The following KNDC1 variants were observed in gnomAD, a reference collection of about 807,000 sequenced individuals.
KNDC1 encodes kinase non-catalytic C-lobe domain-containing protein 1.
A neutral mutation model predicts 172.8 loss-of-function variants in KNDC1; 106 were observed. The ratio of observed to expected loss-of-function variants is 0.61; its 90% CI spans 0.52 to 0.72. KNDC1 has a LOEUF of 0.72. Ranked by LOEUF, KNDC1 falls within the 30% of genes least tolerant of loss-of-function variation. KNDC1 has a pLI of 0.00. For missense variants in KNDC1, 2,325 were observed against 2,394.5 expected (o/e 0.97, Z 0.61); for synonymous variants, 1,083 against 1,062.2 (o/e 1.02, Z -0.38).
intron 3 of KNDC1, 86 bp downstream of exon 3, chr10:133,168,398 G>A: frequency 7.3e-7 from 1 of 1,375,528 alleles, no homozygotes; most frequent in Non-Finnish European, 1.0e-6. Context: ...CACCTGCCTT[G>A]GGGCGACCTC....
intron 25 of KNDC1, 57 bp from the exon 26 acceptor site, chr10:133,213,915 C>T: frequency 6.2e-7 from 1 of 1,601,422 alleles, no homozygotes; most frequent in Non-Finnish European, 8.5e-7. Flanking sequence ...AGCCCCAGGG[C>T]CGGGCAGGGC....
chr10:133,224,948 G>A lies in KNDC1; in HGVS notation c.*58G>A. On this transcript the variant is annotated 3_prime_UTR_variant, in exon 30 of 30. Coordinates refer to ENST00000304613, the MANE Select transcript of KNDC1 (RefSeq NM_152643.8). This position sits in a 1 kb window ranked among gnomAD's most constrained non-coding sequence, Gnocchi z 5.4. The stretch of plus-strand genomic sequence containing the variant: ...CGAATCCGACTGTGGGGGGCGGGCT[G>A]GGAGGTGGGAGCCGCGTCTCAGGCC... 1 of 1,391,630 alleles carries A rather than the reference G, an allele frequency of 7.2e-7. No homozygotes were observed. Among genetic ancestry groups the A allele is most frequent in the Non-Finnish European group, 1.0e-6 (1 of 991,586 alleles). 86.2% of individuals were successfully genotyped at this position (1,391,630 alleles called of 1,614,324 possible). A position where few individuals can be genotyped will look rare whatever the true frequency, so the allele number is the denominator to read the frequency against.
chr10:133,198,444 T>G lies in KNDC1; in HGVS notation c.2014T>G (p.Ser672Ala). The stretch of plus-strand genomic sequence containing the variant: ...CACCCAGCTGCCTGCAGCGTTCACC[T>G]CCGAGGCCACGCACTTCAAGCCCAT... ...EATQLPAAFTSEATHFKPIVL... is the reference protein window; with the variant it reads ...EATQLPAAFTAEATHFKPIVL... The change falls in exon 13 of 30, where the codon TCC becomes GCC. Residue 672 changes from serine to alanine, a missense_variant. Transcript: ENST00000304613. 6.2e-7 allele frequency: 1 copy of G among 1,603,840 alleles called. No individual in the cohort carries two copies. The highest frequency in any genetic ancestry group is 8.5e-7 in the Non-Finnish European group (1 of 1,175,774).
chr10:133,198,617 G>A lies in KNDC1; in HGVS notation c.2109G>A (p.Arg703=), dbSNP rs760802521. The A allele has an allele frequency of 7.5e-6, 12 of 1,602,528 alleles. No homozygotes were observed. The East Asian group carries it at 1.1e-4, about 15-fold the overall frequency. ...PALAQEESEE[R]GGQREGEGEE... ...TGGCCCAGGAGGAGTCCGAGGAGAGGGGCGGCCAGAGGGAGGGAGAAGGTG... is the reference window on the plus strand; with the variant it reads ...TGGCCCAGGAGGAGTCCGAGGAGAGAGGCGGCCAGAGGGAGGGAGAAGGTG... Residue 703 remains arginine (R), a synonymous_variant, in exon 14 of 30, where the codon AGG becomes AGA. Coordinates refer to ENST00000304613, the MANE Select transcript of KNDC1 (RefSeq NM_152643.8).
chr10:133,218,746 G>A (rs1187889748), intron 26 of KNDC1, 85 bp from the exon 27 acceptor site: 1 of 1,506,638 alleles, frequency 6.6e-7, no homozygotes, highest in Non-Finnish European at 9.0e-7. Flanking sequence ...GTGTCTTGGA[G>A]CTGGGTGATT....
intron 1 of KNDC1, among the ~76,000 whole-genome samples, chr10:133,166,445 G>T (rs754627763): frequency 6.7e-6 from 1 of 148,340 alleles, no homozygotes; most frequent in Admixed American, 6.7e-5. Flanking sequence ...GGGAATGGGT[G>T]TGTGCGGGTG....
rs368983036 is a variant in KNDC1, at chr10:133,213,665, C to G, written c.4464C>G (p.His1488Gln). Residue 1488 changes from histidine to glutamine, a missense_variant, in exon 25 of 30, where the codon CAC (histidine) becomes CAG (glutamine). Transcript: ENST00000304613. ...GGCAGGAGTTGTTTCAAAAGTGCCA[C>G]CCGGTCCACTTCCTGAACTCACGGG... ...LLQQELFQKCHPVHFLNSRAL... is the reference protein window; with the variant it reads ...LLQQELFQKCQPVHFLNSRAL... 7 of 1,613,990 alleles carry G rather than the reference C, an allele frequency of 4.3e-6. No individual in the cohort carries two copies. The Admixed American group carries it at 1.0e-4, about 23-fold the overall frequency.
At position 133,219,991 on chromosome 10, in the gene KNDC1, G is replaced by A. The variant is rs1166486507; in HGVS notation, c.4897G>A (p.Gly1633Arg). The A allele has an allele frequency of 2.6e-6, 4 of 1,553,360 alleles. No homozygotes were observed. Among genetic ancestry groups the A allele is most frequent in the Admixed American group, 2.0e-5 (1 of 51,178 alleles). ...GAGCGACAGCCTGTGTCTGATGGAA[G>A]GGCGGCGCTTCCGGGCGCAGCCCAC... Reference protein sequence around the residue: ...LKSDSLCLMEGRRFRAQPTLP... With the variant: ...LKSDSLCLMERRRFRAQPTLP... Residue 1633 changes from glycine to arginine, a missense_variant, in exon 29 of 30, where the codon GGG becomes AGG. By Grantham distance (125) the Gly-to-Arg change is moderately radical. Coordinates refer to ENST00000304613, the MANE Select transcript of KNDC1 (RefSeq NM_152643.8).
intron 3 of KNDC1, among the ~76,000 whole-genome samples, chr10:133,182,734 C>G (rs1296971374): frequency 2.0e-5 from 3 of 152,282 alleles, no homozygotes; most frequent in Non-Finnish European, 4.4e-5. Flanking sequence ...GACCTAAACA[C>G]TGAAAGGCCA....
At chr10:133,222,176 G>C (rs1379563958) in intron 29 of KNDC1, among the ~76,000 whole-genome samples, 1 of 149,466 alleles carries the variant, frequency 6.7e-6, no homozygotes, top group Non-Finnish European at 1.5e-5. Flanking sequence ...CCAGCTACTC[G>C]GGAGGCTGAG....
rs1234673234 is a variant in KNDC1, at chr10:133,225,238, G to A, written c.*348G>A. The stretch of plus-strand genomic sequence containing the variant: ...ATAAGTGGCTCTTACCCAGCTCTCA[G>A]TGACTCCCCCACAAAACAGCAACAG... On this transcript the variant is annotated 3_prime_UTR_variant, in exon 30 of 30. Coordinates refer to ENST00000304613, the MANE Select transcript of KNDC1 (RefSeq NM_152643.8). 8 of 267,170 alleles carry A rather than the reference G, an allele frequency of 3.0e-5. No homozygotes were observed. Among genetic ancestry groups the A allele is most frequent in the Non-Finnish European group, 5.8e-5 (8 of 137,668 alleles). The allele number at this position is 267,170 out of a possible 1,614,324, so 16.5% of individuals were successfully genotyped here. A position where few individuals can be genotyped will look rare whatever the true frequency, so the allele number is the denominator to read the frequency against.
At chr10:133,176,267 ATGCATGG>A in intron 3 of KNDC1, among the ~76,000 whole-genome samples, 1 of 149,502 alleles carries the variant, frequency 6.7e-6, no homozygotes, top group South Asian at 2.2e-4. Context: ...AGGCGGATGG[ATGCATGG>A]TGGATGGGGG....
intron 26 of KNDC1, among the ~76,000 whole-genome samples, chr10:133,217,891 A>G (rs35699678): frequency 0.023 from 3,029 of 133,124 alleles, no homozygotes; most frequent in African/African-American, 0.062. Context: ...CCTGACCAAC[A>G]TGGGGAAACC....
rs780181316 is a variant in KNDC1, at chr10:133,224,635, C to T, written c.5019-24C>T. The T allele has an allele frequency of 6.8e-5, 109 of 1,600,212 alleles. No homozygotes were observed. The highest frequency in any genetic ancestry group is 8.5e-5 in the Non-Finnish European group (99 of 1,168,008). On this transcript the variant is annotated intron_variant, in intron 29 of 29. Coordinates refer to ENST00000304613, the MANE Select transcript of KNDC1 (RefSeq NM_152643.8). The surrounding 1 kb of genome is among the most constrained non-coding windows in gnomAD (Gnocchi z 5.4). ...CGCGCCCCTGCCCTGTGCAAACTAA[C>T]GTCTCTTCTTTCCTCAACGGAAGGA...
At position 133,167,503 on chromosome 10, in the gene KNDC1, C is replaced by A; in HGVS notation, c.225C>A (p.Phe75Leu). 6.2e-7 allele frequency: 1 copy of A among 1,605,720 alleles called. No homozygotes were observed. The highest frequency in any genetic ancestry group is 8.5e-7 in the Non-Finnish European group (1 of 1,176,824). ...SMRSVAHAAI[F>L]QSLCITPDTL... ...GGAGCGTGGCCCACGCCGCCATCTTCCAGAGCCTGTGCATCACGCCCGACA... is the reference window on the plus strand; with the variant it reads ...GGAGCGTGGCCCACGCCGCCATCTTACAGAGCCTGTGCATCACGCCCGACA... The change falls in exon 2 of 30, where the codon TTC becomes TTA. Residue 75 changes from phenylalanine to leucine, a missense_variant. Coordinates refer to ENST00000304613, the MANE Select transcript of KNDC1 (RefSeq NM_152643.8).
intron 3 of KNDC1, among the ~76,000 whole-genome samples, chr10:133,177,356 G>C (rs1324396832): frequency 2.0e-5 from 3 of 152,186 alleles, no homozygotes; most frequent in Non-Finnish European, 2.9e-5. Flanking sequence ...TGCATGGCAT[G>C]CTATGTCTGT....
At position 133,211,686 on chromosome 10, in the gene KNDC1, C is replaced by A; in HGVS notation, c.4064C>A (p.Pro1355His). The change falls in exon 23 of 30, where the codon CCC becomes CAC. Residue 1355 changes from proline (P) to histidine (H), a missense_variant. By Grantham distance (77) the Pro-to-His change is moderately conservative. Transcript: ENST00000304613. ...LEDFISSKILPLDGSAKHLLG... is the reference protein window; with the variant it reads ...LEDFISSKILHLDGSAKHLLG... ...CACTGTGCTTCTGCCTAGATCCTAC[C>A]CCTGGACGGCTCTGCCAAGCACCTG... 1 of 1,598,094 alleles carries A rather than the reference C, an allele frequency of 6.3e-7. No homozygotes were observed. The highest frequency in any genetic ancestry group is 8.5e-7 in the Non-Finnish European group (1 of 1,171,380).
intron 17 of KNDC1, among the ~76,000 whole-genome samples, chr10:133,203,915 A>G (rs967100135): frequency 6.6e-6 from 1 of 152,216 alleles, no homozygotes; most frequent in Non-Finnish European, 1.5e-5. Context: ...TGCCGGCCAG[A>G]GAGGAGTCTG....
chr10:133,198,738 G>A lies in KNDC1; in HGVS notation c.2230G>A (p.Glu744Lys). 1 of 1,578,480 alleles carries A rather than the reference G, an allele frequency of 6.3e-7. No homozygotes were observed. The highest frequency in any genetic ancestry group is 8.6e-7 in the Non-Finnish European group (1 of 1,163,198). ...TCCGGGGCCACAGGGAGCAGCCCCA[G>A]AGCCTCTTGGGGCGTCAGTGCAGCG... is the stretch of plus-strand genomic sequence containing the variant. ...PGPGPQGAAP[E>K]PLGASVQRDS... is the part of the protein sequence containing the mutation. The change falls in exon 14 of 30, where the codon GAG (glutamate) becomes AAG (lysine). Residue 744 changes from glutamate (E) to lysine (K), a missense_variant. By Grantham distance (56) the Glu-to-Lys change is moderately conservative. Transcript: ENST00000304613.
Sources: allele counts gnomAD v4.1 joint callset (sites outside exome capture counted in the v4.1 genomes callset), GRCh38; gene constraint gnomAD v4.1.1; non-coding constraint Gnocchi (gnomAD v3.1); transcripts MANE v1.5; gene names NCBI Gene and HGNC (gene_info 2026-07-23, HGNC 2026-07-21).